The following HIBCH variants were observed in gnomAD, a reference collection of about 807,000 sequenced individuals.
HIBCH encodes 3-hydroxyisobutyryl-CoA hydrolase, also known as 3-hydroxyisobutyryl-CoA hydrolase, mitochondrial.
A neutral mutation model predicts 58.2 loss-of-function variants in HIBCH; 50 were observed. That is an observed-to-expected ratio of 0.86 (90% CI 0.68 to 1.09). The LOEUF (loss-of-function observed/expected upper bound fraction) is 1.09. Among genes scored for constraint, HIBCH ranks in the 50% least tolerant of loss-of-function variants. The pLI, the probability that HIBCH is intolerant of heterozygous loss-of-function variation, is 0.00. For missense variants in HIBCH, 450 were observed against 449.7 expected, an observed-to-expected ratio of 1.00 and a Z score of -0.01; for synonymous variants, 151 against 146.9, an observed-to-expected ratio of 1.03 and a Z score of -0.20.
chr2:190,317,150 T>C (rs1688725325), intron 1 of HIBCH, among the ~76,000 whole-genome samples: 1 of 152,136 alleles, frequency 6.6e-6, no homozygotes, highest in African/African-American at 2.4e-5. Flanking sequence ...TGAACTCCCA[T>C]GTTGGCCTCT....
In HIBCH at chr2:190,306,862, C is replaced by T. The variant is rs1287294144; in HGVS notation, c.78+3892G>A. 6.6e-6 allele frequency among the ~76,000 whole-genome samples: 1 copy of T among 152,020 alleles called. No homozygotes were observed. Among genetic ancestry groups the T allele is most frequent in the Non-Finnish European group, 1.5e-5 (1 of 67,986 alleles). ...AGATTAACGCCCTTATAAAAGAAAC[C>T]CTGGAGAGCTTCTTCACCCCTTCTA... On this transcript the variant is annotated intron_variant, in intron 2 of 13. Coordinates refer to ENST00000359678, the MANE Select transcript of HIBCH (RefSeq NM_014362.4). The surrounding 1 kb of genome is among the most constrained non-coding windows in gnomAD (Gnocchi z 4.6).
intron 11 of HIBCH, among the ~76,000 whole-genome samples, chr2:190,225,413 C>T (rs150234126): frequency 0.015 from 2,286 of 152,020 alleles, 59 homozygotes; most frequent in African/African-American, 0.05. Context: ...ATCAAATAGA[C>T]GCAATAAAAA....
downstream of HIBCH, chr2:190,199,599 C>A (rs1200241011): frequency 3.4e-6 from 2 of 590,170 alleles, no homozygotes; most frequent in Non-Finnish European, 4.9e-6. Flanking sequence ...AGATTTCTTC[C>A]ATGTGACCAA....
At chr2:190,250,446 A>G (rs1686731717) in intron 8 of HIBCH, 2 of 457,452 alleles carry the variant, frequency 4.4e-6, no homozygotes, top group South Asian at 3.2e-5. Context: ...GCATCCCCAA[A>G]GTATATTCCT....
intron 5 of HIBCH, 122 bp downstream of exon 5, chr2:190,290,283 G>A: frequency 1.4e-6 from 1 of 721,470 alleles, no homozygotes; most frequent in Non-Finnish European, 2.5e-6. Flanking sequence ...CTTTACTTAT[G>A]CCTGGCACAT....
chr2:190,222,498 C>A (rs1213560050), intron 11 of HIBCH, among the ~76,000 whole-genome samples: 13 of 151,204 alleles, frequency 8.6e-5, no homozygotes, highest in Non-Finnish European at 8.8e-5. Context: ...GACATTTATG[C>A]AGCCAACAAG....
intron 2 of HIBCH, among the ~76,000 whole-genome samples, chr2:190,307,358 T>C (rs1261740504): frequency 1.3e-5 from 2 of 152,212 alleles, no homozygotes; most frequent in Non-Finnish European, 2.9e-5. Context: ...CTTTTGCATA[T>C]TAAATTAAAA....
intron 2 of HIBCH, among the ~76,000 whole-genome samples, chr2:190,297,448 G>A (rs1688132189): frequency 6.6e-6 from 1 of 152,186 alleles, no homozygotes; most frequent in South Asian, 2.1e-4. Context: ...CATAAGCAAT[G>A]ACTATTTGGA....
At chr2:190,200,242 C>CG, downstream of HIBCH, 1 of 1,001,340 alleles carries the variant, frequency 1.0e-6, no homozygotes, top group Non-Finnish European at 1.5e-6. Flanking sequence ...AAATAACTAT[C>CG]TGGATTTAAA....
intron 12 of HIBCH, 78 bp from the exon 13 acceptor site, chr2:190,208,991 C>A: frequency 7.7e-7 from 1 of 1,304,932 alleles, no homozygotes; most frequent in Non-Finnish European, 1.1e-6. Flanking sequence ...CCTCTATTCA[C>A]TTCAGCCTTC....
At chr2:190,200,334 C>CTGTT (rs1343050808), downstream of HIBCH, 8 of 587,204 alleles carry the variant, frequency 1.4e-5, no homozygotes, top group East Asian at 6.0e-5. Context: ...ACAGCAATTT[C>CTGTT]TGTTTAGTCT....
rs1487557313 is a variant in HIBCH, at chr2:190,319,776, G to A, written c.-26C>T. On this transcript the variant is annotated 5_prime_UTR_variant, in exon 1 of 14. Transcript: ENST00000359678. ...CGCCAAACACTCCGAAGCTAAAGCA[G>A]CAGAGCGAGAATCTCCCGGACCGTT... 8.1e-6 allele frequency: 13 copies of A among 1,607,018 alleles called. No homozygotes were observed. Among genetic ancestry groups the A allele is most frequent in the Non-Finnish European group, 1.0e-5 (12 of 1,176,742 alleles).
In HIBCH at chr2:190,207,940, A is replaced by T. The variant is rs2105897511; in HGVS notation, c.1045+940T>A. ...ATATCCAGAGTCTGCACTATAGTAA[A>T]ATAATTAATAAAAACAGGAACATTA... On this transcript the variant is annotated intron_variant, in intron 13 of 13. Transcript: ENST00000359678. The surrounding 1 kb of genome is among the most constrained non-coding windows in gnomAD (Gnocchi z 4.5). 6.6e-6 allele frequency among the ~76,000 whole-genome samples: 1 copy of T among 152,270 alleles called. No individual in the cohort carries two copies. Among genetic ancestry groups the T allele is most frequent in the Admixed American group, 6.5e-5 (1 of 15,282 alleles).
chr2:190,266,910 C>G (rs1687258408), intron 6 of HIBCH, among the ~76,000 whole-genome samples: 2 of 151,192 alleles, frequency 1.3e-5, no homozygotes, highest in African/African-American at 2.4e-5. Context: ...GCGCCCACCA[C>G]CACACCAGGC....
rs1553505756 is a variant in HIBCH, at chr2:190,294,022, GTATATA to G, written c.304+518_304+523del. Among the ~76,000 whole-genome samples the G allele has an allele frequency of 1.9e-3, 158 of 83,022 alleles. 1 individual carries two copies. Among genetic ancestry groups the G allele is most frequent in the African/African-American group, 4.6e-3 (108 of 23,472 alleles). The allele number at this position is 83,022 out of a possible 152,430, so 54.5% of individuals were successfully genotyped here. The stretch of plus-strand genomic sequence containing the variant: ...ATATTTTGTAATATATATTTTGTGT[GTATATA>G]TATATATATATATATATATATATAT... On this transcript the variant is annotated intron_variant, in intron 4 of 13. Transcript: ENST00000359678.
At chr2:190,310,271 T>G (rs78632979) in intron 2 of HIBCH, among the ~76,000 whole-genome samples, 2,062 of 152,314 alleles carry the variant, frequency 0.014, 58 homozygotes, top group African/African-American at 0.046. Context: ...ACTGGCTTCC[T>G]TGCTCCTCAA....
Position 190,197,576 on chromosome 2 carries a change from CTGACTCTCCTGGGGCTCAA to C in HIBCH, c.*17+7505_*17+7523del, listed in dbSNP as rs1004608705. Among the ~76,000 whole-genome samples, 2 of 152,204 alleles carry C rather than the reference CTGACTCTCCTGGGGCTCAA, an allele frequency of 1.3e-5. No individual in the cohort carries two copies. The highest frequency in any genetic ancestry group is 4.8e-5 in the African/African-American group (2 of 41,448). On this transcript the variant is annotated intron_variant, in intron 1 of 1. Transcript: ENST00000399855. This position sits in a 1 kb window ranked among gnomAD's most constrained non-coding sequence, Gnocchi z 4.0. ...TCTGTTGCATCAGAGTTGCCACTCT[CTGACTCTCCTGGGGCTCAA>C]CTCCCACGGTAATGCTGGGAGATAC... is the stretch of plus-strand genomic sequence containing the variant.
At chr2:190,262,841 T>C (rs1687129036) in intron 6 of HIBCH, among the ~76,000 whole-genome samples, 1 of 152,162 alleles carries the variant, frequency 6.6e-6, no homozygotes, top group Non-Finnish European at 1.5e-5. Flanking sequence ...ACATCAAGAT[T>C]TGAGCAAAAA....
chr2:190,286,888 G>A (rs1687841546), intron 6 of HIBCH, among the ~76,000 whole-genome samples: 1 of 150,652 alleles, frequency 6.6e-6, no homozygotes, highest in Non-Finnish European at 1.5e-5. Context: ...CAACATTCTA[G>A]TTTCTCTTCT....
Sources: gnomAD v4.1 joint callset for allele counts (sites outside exome capture counted in the v4.1 genomes callset) on GRCh38, gnomAD v4.1.1 for gene constraint, Gnocchi (gnomAD v3.1) non-coding constraint, MANE v1.5 for transcripts, NCBI Gene and HGNC (gene_info 2026-07-23, HGNC 2026-07-21) for gene names.